Variants in RHOQ observed in about 807,000 individuals in gnomAD.
RHOQ encodes ras homolog family member Q.
A neutral mutation model predicts 25.8 loss-of-function variants in RHOQ; 7 were observed. The observed-to-expected ratio is 0.27, with a 90% confidence interval of 0.15 to 0.51. The LOEUF (loss-of-function observed/expected upper bound fraction) is 0.51. Ranked by LOEUF, RHOQ falls within the 20% of genes least tolerant of loss-of-function variation. The pLI, the probability that RHOQ is intolerant of heterozygous loss-of-function variation, is 0.97. For synonymous variants in RHOQ, 97 were observed against 98.6 expected, an observed-to-expected ratio of 0.98 and a Z score of 0.10; for missense variants, 165 against 260.6, an observed-to-expected ratio of 0.63 and a Z score of 2.53.
chr2:46,576,301 C>A lies in RHOQ; in HGVS notation c.366+50C>A. The A allele has an allele frequency of 2.1e-6, 3 of 1,460,268 alleles. No individual in the cohort carries two copies. The highest frequency in any genetic ancestry group is 2.8e-6 in the Non-Finnish European group (3 of 1,060,832). 90.5% of individuals were successfully genotyped at this position (1,460,268 alleles called of 1,614,324 possible). A position where few individuals can be genotyped will look rare whatever the true frequency, so the allele number is the denominator to read the frequency against. On this transcript the variant is annotated intron_variant, in intron 3 of 4. Coordinates refer to ENST00000238738, the MANE Select transcript of RHOQ (RefSeq NM_012249.4). This position sits in a 1 kb window ranked among gnomAD's most constrained non-coding sequence, Gnocchi z 5.1. ...TTTTAGAATAAGCTCTTTGGTCTGT[C>A]GTAGAGGCTGCTCTCAGACAAACAG...
intron 2 of RHOQ, among the ~76,000 whole-genome samples, chr2:46,573,946 G>A (rs1050319010): frequency 6.6e-6 from 1 of 152,186 alleles, no homozygotes; most frequent in African/African-American, 2.4e-5. Flanking sequence ...TGAGTTTTGT[G>A]TGTTTTGATT....
Position 46,549,164 on chromosome 2 carries a change from G to A in RHOQ, c.201+5352G>A, listed in dbSNP as rs373315854. Reference sequence around the variant, plus strand: ...TTGGTGACATTCCCACGCTTTGAACGACAGCTTCCCCGCAGGTATCTCAAG... The same window carrying A: ...TTGGTGACATTCCCACGCTTTGAACAACAGCTTCCCCGCAGGTATCTCAAG... On this transcript the variant is annotated intron_variant, in intron 2 of 4. Transcript: ENST00000238738. 5.5e-3 allele frequency among the ~76,000 whole-genome samples: 840 copies of A among 152,258 alleles called. 5 individuals carry two copies. The highest frequency in any genetic ancestry group is 8.9e-3 in the Non-Finnish European group (607 of 68,034).
At chr2:46,549,873 G>A (rs896462366) in intron 2 of RHOQ, among the ~76,000 whole-genome samples, 1 of 152,272 alleles carries the variant, frequency 6.6e-6, no homozygotes, top group South Asian at 2.1e-4. Flanking sequence ...TCTCTACCAT[G>A]TTGCAGTGCT....
In RHOQ at chr2:46,548,019, G is replaced by C. The variant is rs1668127255; in HGVS notation, c.201+4207G>C. On this transcript the variant is annotated intron_variant, in intron 2 of 4. Coordinates refer to ENST00000238738, the MANE Select transcript of RHOQ (RefSeq NM_012249.4). This position sits in a 1 kb window ranked among gnomAD's most constrained non-coding sequence, Gnocchi z 5.2. Reference sequence around the variant, plus strand: ...GGTCCCAGAATATCCACACTCAGGAGGATGTGTGTTGGGGGTGAATTTGGG... The same window carrying C: ...GGTCCCAGAATATCCACACTCAGGACGATGTGTGTTGGGGGTGAATTTGGG... Among the ~76,000 whole-genome samples, 4 of 152,214 alleles carry C rather than the reference G, an allele frequency of 2.6e-5. No individual in the cohort carries two copies. Among genetic ancestry groups the C allele is most frequent in the Admixed American group, 2.0e-4 (3 of 15,282 alleles).
chr2:46,578,686 G>A (rs1669229865), intron 4 of RHOQ, among the ~76,000 whole-genome samples: 1 of 151,442 alleles, frequency 6.6e-6, no homozygotes, highest in East Asian at 1.9e-4. Flanking sequence ...AGCCCAGGAG[G>A]TGGAGGTTGC....
chr2:46,546,483 T>C (rs1197588808), intron 2 of RHOQ, among the ~76,000 whole-genome samples: 506 of 22,916 alleles, frequency 0.022, 51 homozygotes, highest in African/African-American at 0.1. Flanking sequence ...TGTGTATATA[T>C]ATATATATAT....
chr2:46,554,467 G>A (rs1333737761), intron 2 of RHOQ, among the ~76,000 whole-genome samples: 1 of 152,206 alleles, frequency 6.6e-6, no homozygotes, highest in Non-Finnish European at 1.5e-5. Flanking sequence ...TCGATAGACA[G>A]GACGCCTGGA....
intron 2 of RHOQ, among the ~76,000 whole-genome samples, chr2:46,559,333 T>G (rs182649730): frequency 1.3e-4 from 20 of 152,328 alleles, no homozygotes; most frequent in Admixed American, 1.2e-3. Context: ...CTGATTTCTC[T>G]GAGGATATTA....
At chr2:46,553,266 C>G (rs1668298458) in intron 2 of RHOQ, among the ~76,000 whole-genome samples, 1 of 152,080 alleles carries the variant, frequency 6.6e-6, no homozygotes. Context: ...CCACCGCTGT[C>G]TTACATACAC....
chr2:46,575,173 C>T (rs187037681), intron 2 of RHOQ, among the ~76,000 whole-genome samples: 6 of 152,194 alleles, frequency 3.9e-5, no homozygotes, highest in Non-Finnish European at 7.4e-5. Context: ...GGTAGTCTAA[C>T]GTATTCTGAT....
Position 46,566,815 on chromosome 2 carries a change from T to C in RHOQ, c.202-9272T>C, listed in dbSNP as rs1311334604. On this transcript the variant is annotated intron_variant, in intron 2 of 4. Transcript: ENST00000238738. The surrounding 1 kb of genome is among the most constrained non-coding windows in gnomAD (Gnocchi z 4.2). The stretch of plus-strand genomic sequence containing the variant: ...CTGTCTCCTTAAGCGGTCCCTCAGG[T>C]CTCAGGTTGAACATCACCCCTGCAG... Among the ~76,000 whole-genome samples the C allele has an allele frequency of 6.6e-6, 1 of 152,144 alleles. No individual in the cohort carries two copies. Among genetic ancestry groups the C allele is most frequent in the Non-Finnish European group, 1.5e-5 (1 of 68,026 alleles).
chr2:46,570,623 GA>G (rs1232623745), intron 2 of RHOQ, among the ~76,000 whole-genome samples: 3 of 152,192 alleles, frequency 2.0e-5, no homozygotes, highest in African/African-American at 7.2e-5. Context: ...AGGGTTTCAA[GA>G]GCTCGATGCC....
At chr2:46,559,852 G>A (rs1248013090) in intron 2 of RHOQ, among the ~76,000 whole-genome samples, 1 of 152,152 alleles carries the variant, frequency 6.6e-6, no homozygotes, top group Non-Finnish European at 1.5e-5. Flanking sequence ...TCTGCCCGAG[G>A]GATTCATCCT....
chr2:46,546,480 A>ACATATATATATATATATATATG (rs1668059741), intron 2 of RHOQ, among the ~76,000 whole-genome samples: 1 of 15,448 alleles, frequency 6.5e-5, no homozygotes, highest in African/African-American at 3.2e-4. Flanking sequence ...ATATGTGTAT[A>ACATATATATATATATATATATG]TATATATATA....
rs1308684594 is a variant in RHOQ at position 46,552,391 on chromosome 2, G to A, written c.201+8579G>A. Among the ~76,000 whole-genome samples, 2 of 152,200 alleles carry A rather than the reference G, an allele frequency of 1.3e-5. No homozygotes were observed. The highest frequency in any genetic ancestry group is 2.9e-5 in the Non-Finnish European group (2 of 68,040). On this transcript the variant is annotated intron_variant, in intron 2 of 4. Coordinates refer to ENST00000238738, the MANE Select transcript of RHOQ (RefSeq NM_012249.4). This position sits in a 1 kb window ranked among gnomAD's most constrained non-coding sequence, Gnocchi z 5.0. ...GGGACAGGGAAATGCTGTTTGGGGG[G>A]CTGCCAGGCGGGCCAGCTTTAGCCT...
At chr2:46,544,442 C>T (rs190636516) in intron 2 of RHOQ, among the ~76,000 whole-genome samples, 137 of 152,298 alleles carry the variant, frequency 9.0e-4, no homozygotes, top group African/African-American at 2.9e-3. Flanking sequence ...GGAGGGGTTC[C>T]CCCCGGCCCT....
In RHOQ at chr2:46,555,644, A is replaced by G. The variant is rs891335504; in HGVS notation, c.201+11832A>G. Among the ~76,000 whole-genome samples the G allele has an allele frequency of 2.0e-5, 3 of 152,258 alleles. No homozygotes were observed. The highest frequency in any genetic ancestry group is 7.2e-5 in the African/African-American group (3 of 41,464). ...GACTCACAGAGCTCATTAAGCAGAC[A>G]GGCTGCCAGGTCTGTTTGGATGAAA... On this transcript the variant is annotated intron_variant, in intron 2 of 4. Coordinates refer to ENST00000238738, the MANE Select transcript of RHOQ (RefSeq NM_012249.4). This position sits in a 1 kb window ranked among gnomAD's most constrained non-coding sequence, Gnocchi z 4.3.
chr2:46,568,195 C>G (rs1668794835), intron 2 of RHOQ: 2 of 152,204 alleles, frequency 1.3e-5, no homozygotes, highest in African/African-American at 4.8e-5. Context: ...CAGGTCTATG[C>G]AAACCTACCT....
At chr2:46,543,432 C>T (rs1309288192) in intron 1 of RHOQ, 3 of 599,026 alleles carry the variant, frequency 5.0e-6, no homozygotes, top group African/African-American at 3.7e-5. Context: ...TACCCCTCGG[C>T]GCCCTGGGCC....
Sources: gnomAD v4.1 joint callset for allele counts (sites outside exome capture counted in the v4.1 genomes callset) on GRCh38, gnomAD v4.1.1 for gene constraint, Gnocchi (gnomAD v3.1) non-coding constraint, MANE v1.5 for transcripts, NCBI Gene and HGNC (gene_info 2026-07-23, HGNC 2026-07-21) for gene names.